The following ZNF277 variants were observed in gnomAD, a reference collection of about 807,000 sequenced individuals.
ZNF277 encodes the protein nuclear receptor-interacting factor 4.
A neutral mutation model predicts 60.7 loss-of-function variants in ZNF277; 55 were observed. The ratio of observed to expected loss-of-function variants is 0.91; its 90% CI spans 0.73 to 1.13. The LOEUF (loss-of-function observed/expected upper bound fraction) is 1.13. ZNF277 is among the 50% of genes most tolerant of loss of function. ZNF277 has a pLI of 0.00. For synonymous variants in ZNF277, 178 were observed against 179.3 expected (o/e 0.99, Z 0.06); for missense variants, 510 against 523.0 (o/e 0.98, Z 0.24).
At chr7:112,337,971 AG>A in intron 9 of ZNF277, 145 bp downstream of exon 9, 1 of 610,440 alleles carries the variant, frequency 1.6e-6, no homozygotes, top group Non-Finnish European at 2.8e-6. Context: ...GGAGAACCAG[AG>A]CTCAGGGCAA....
chr7:112,250,078 C>T (rs1035265558), intron 1 of ZNF277, among the ~76,000 whole-genome samples: 7 of 151,996 alleles, frequency 4.6e-5, no homozygotes, highest in African/African-American at 1.2e-4. Context: ...GGAGAAATAT[C>T]GCTGAATTCT....
At chr7:112,281,215 T>G (rs1219137795) in intron 1 of ZNF277, among the ~76,000 whole-genome samples, 1 of 152,216 alleles carries the variant, frequency 6.6e-6, no homozygotes, top group Non-Finnish European at 1.5e-5. Flanking sequence ...GGCAGTGGTC[T>G]AGGGACTACG....
chr7:112,257,488 G>T (rs1002022378), intron 1 of ZNF277, among the ~76,000 whole-genome samples: 3 of 152,164 alleles, frequency 2.0e-5, no homozygotes, highest in Non-Finnish European at 4.4e-5. Flanking sequence ...CAAGGGACCT[G>T]CCAGGTAACA....
At chr7:112,257,320 A>G (rs982930033) in intron 1 of ZNF277, among the ~76,000 whole-genome samples, 1 of 152,212 alleles carries the variant, frequency 6.6e-6, no homozygotes, top group African/African-American at 2.4e-5. Flanking sequence ...GAATAAGCAA[A>G]ACAAACAGGC....
At chr7:112,337,886 G>A in intron 9 of ZNF277, 60 bp downstream of exon 9, 1 of 1,381,440 alleles carries the variant, frequency 7.2e-7, no homozygotes, top group South Asian at 1.2e-5. Context: ...GCTAGTAATT[G>A]TTGCACCCTC....
At chr7:112,216,620 G>C (rs1276586256) in intron 1 of ZNF277, among the ~76,000 whole-genome samples, 2 of 152,196 alleles carry the variant, frequency 1.3e-5, no homozygotes, top group African/African-American at 4.8e-5. Flanking sequence ...TGTGATTTTA[G>C]AGAAGTCATT....
At position 112,310,788 on chromosome 7, in the gene ZNF277, C is replaced by CTGAG. The variant is rs111427733; in HGVS notation, c.466-7393_466-7390dup. Among the ~76,000 whole-genome samples the CTGAG allele has an allele frequency of 9.5e-4, 144 of 152,182 alleles. 3 individuals are homozygous for CTGAG. Among genetic ancestry groups the CTGAG allele is most frequent in the African/African-American group, 3.2e-3 (134 of 41,540 alleles). On this transcript the variant is annotated intron_variant, in intron 4 of 11. Transcript: ENST00000361822. ...GGAGGAGTGCCACTGGACTCCTAGG[C>CTGAG]TGAGAATGCCTAGCTGGTTCTGCCA...
chr7:112,329,646 A>C (rs745871626), intron 6 of ZNF277, among the ~76,000 whole-genome samples: 1 of 152,212 alleles, frequency 6.6e-6, no homozygotes, highest in Non-Finnish European at 1.5e-5. Context: ...TCCCACAGCT[A>C]GCTGGCACTG....
chr7:112,269,166 G>A (rs891904384), intron 1 of ZNF277, among the ~76,000 whole-genome samples: 1 of 151,490 alleles, frequency 6.6e-6, no homozygotes, highest in Non-Finnish European at 1.5e-5. Flanking sequence ...TTATTCCTAG[G>A]ATGCGTTATC....
intron 11 of ZNF277, 47 bp downstream of exon 11, chr7:112,341,093 A>G: frequency 6.7e-7 from 1 of 1,496,292 alleles, no homozygotes; most frequent in Non-Finnish European, 8.9e-7. Flanking sequence ...CAACTCTTTG[A>G]TTTTGTCCCT....
At chr7:112,327,911 G>A in intron 6 of ZNF277, 84 bp downstream of exon 6, 1 of 905,330 alleles carries the variant, frequency 1.1e-6, no homozygotes, top group African/African-American at 1.7e-5. Flanking sequence ...ATTTAATAGA[G>A]TAATTAAAGA....
At chr7:112,336,319 A>T in intron 8 of ZNF277, 148 bp downstream of exon 8, 1 of 574,506 alleles carries the variant, frequency 1.7e-6, no homozygotes, top group Middle Eastern at 3.1e-4. Flanking sequence ...TGTGGCAAAA[A>T]CTTGAATTCA....
At chr7:112,328,091 CTCA>C in intron 6 of ZNF277, 1 of 240,216 alleles carries the variant, frequency 4.2e-6, no homozygotes, top group Non-Finnish European at 7.9e-6. Context: ...GAAGAATATA[CTCA>C]CTGTCTAGCC....
intron 1 of ZNF277, among the ~76,000 whole-genome samples, chr7:112,256,251 A>G (rs979895633): frequency 2.6e-5 from 4 of 152,106 alleles, no homozygotes; most frequent in African/African-American, 9.7e-5. Flanking sequence ...AAATTCAGCT[A>G]TTTGTGTCCC....
intron 9 of ZNF277, among the ~76,000 whole-genome samples, chr7:112,339,588 G>T (rs147543368): frequency 4.2e-4 from 64 of 152,304 alleles, no homozygotes; most frequent in African/African-American, 1.5e-3. Context: ...CAAAGTGCTG[G>T]GATTATAGGC....
intron 1 of ZNF277, among the ~76,000 whole-genome samples, chr7:112,256,516 T>C (rs1034629299): frequency 5.5e-5 from 8 of 146,416 alleles, no homozygotes; most frequent in Non-Finnish European, 1.0e-4. Flanking sequence ...TTTTGCTCTC[T>C]AAGTGGCTCA....
chr7:112,257,653 G>A lies in ZNF277; in HGVS notation c.92-29220G>A, dbSNP rs73424416. The stretch of plus-strand genomic sequence containing the variant: ...TTAAATTTACTACTACCTTCAGCTT[G>A]ATGTTAGAGTAATAGGGAGTGGTAA... On this transcript the variant is annotated intron_variant, in intron 1 of 11. Coordinates refer to ENST00000361822, the MANE Select transcript of ZNF277 (RefSeq NM_021994.3). Among the ~76,000 whole-genome samples, 500 of 152,192 alleles carry A rather than the reference G, an allele frequency of 3.3e-3. 1 individual carries two copies. Among genetic ancestry groups the A allele is most frequent in the African/African-American group, 0.012 (481 of 41,528 alleles).
intron 5 of ZNF277, among the ~76,000 whole-genome samples, chr7:112,324,971 C>T (rs1231881707): frequency 6.6e-6 from 1 of 152,122 alleles, no homozygotes; most frequent in Non-Finnish European, 1.5e-5. Flanking sequence ...GATGATGCCT[C>T]CCCTCATTGG....
chr7:112,266,625 C>CGG (rs1791558162), intron 1 of ZNF277, among the ~76,000 whole-genome samples: 1 of 152,036 alleles, frequency 6.6e-6, no homozygotes, highest in Non-Finnish European at 1.5e-5. Flanking sequence ...TGAAAGACCT[C>CGG]ACCAGCATAT....
Sources: allele counts gnomAD v4.1 joint callset (sites outside exome capture counted in the v4.1 genomes callset), GRCh38; gene constraint gnomAD v4.1.1; transcripts MANE v1.5; gene names NCBI Gene and HGNC (gene_info 2026-07-23, HGNC 2026-07-21).